The following ZBTB42 variants were observed in gnomAD, a reference collection of about 807,000 sequenced individuals.
The protein encoded by ZBTB42 is zinc finger and BTB domain-containing protein 42.
In ZBTB42, 3 loss-of-function variants were observed where a neutral mutation model predicts 4.7. That is an observed-to-expected ratio of 0.64 (90% CI 0.29 to 1.66). ZBTB42 has a LOEUF of 1.66. Ranked by LOEUF, ZBTB42 falls within the 40% of genes most tolerant of loss-of-function variation. ZBTB42 has a pLI of 0.10. For synonymous variants in ZBTB42, 255 were observed against 259.5 expected (o/e 0.98, Z 0.17); for missense variants, 521 against 577.1 (o/e 0.90, Z 1.00).
Position 104,802,493 on chromosome 14 carries a change from G to A in ZBTB42, c.*27G>A, listed in dbSNP as rs1366319095. The A allele has an allele frequency of 6.5e-7, 1 of 1,535,074 alleles. No homozygotes were observed. Among genetic ancestry groups the A allele is most frequent in the South Asian group, 1.2e-5 (1 of 81,526 alleles). On this transcript the variant is annotated 3_prime_UTR_variant, in exon 1 of 1. Coordinates refer to ENST00000342537, the MANE Select transcript of ZBTB42 (RefSeq NM_001137601.3). The surrounding 1 kb of genome is among the most constrained non-coding windows in gnomAD (Gnocchi z 5.9). ...GCATCCCTGTGGGTCCTGAGGGTGG[G>A]GTGGAAGGGAAGGGATGGGCCCTCC...
Position 104,801,863 on chromosome 14 carries a change from G to A in ZBTB42, c.666G>A (p.Leu222=), listed in dbSNP as rs529020079. 2.4e-4 allele frequency: 367 copies of A among 1,549,898 alleles called. No individual in the cohort carries two copies. The African/African-American group carries it at 4.6e-3, about 19-fold the overall frequency. ...CSQRQPGAQP[L]VKDERDSLSE... Reference sequence around the variant, plus strand: ...AGAGGCAGCCAGGGGCCCAGCCACTGGTGAAGGACGAACGGGACTCACTGT... The same window carrying A: ...AGAGGCAGCCAGGGGCCCAGCCACTAGTGAAGGACGAACGGGACTCACTGT... Residue 222 remains leucine, a synonymous_variant, in exon 1 of 1, where the codon CTG becomes CTA. Coordinates refer to ENST00000342537, the MANE Select transcript of ZBTB42 (RefSeq NM_001137601.3). The surrounding 1 kb of genome is among the most constrained non-coding windows in gnomAD (Gnocchi z 4.4).
rs1894091008 is a variant in ZBTB42, at chr14:104,803,082, G to GC, written c.*616_*617insC. ...CTGGTGTCTCGGGGTGGGGGGGGGG[G>GC]TGCAGCCCCAGCAGGGATCCTAAGG... On this transcript the variant is annotated 3_prime_UTR_variant, in exon 1 of 1. Transcript: ENST00000342537. 7.0e-6 allele frequency: 1 copy of GC among 141,984 alleles called. No homozygotes were observed. Among genetic ancestry groups the GC allele is most frequent in the Non-Finnish European group, 1.6e-5 (1 of 60,752 alleles). 8.8% of individuals were successfully genotyped at this position (141,984 alleles called of 1,614,324 possible).
At position 104,802,614 on chromosome 14, in the gene ZBTB42, C is replaced by T. The variant is rs1894074411; in HGVS notation, c.*148C>T. ...CCTCCTGGCAGAGAGAATGCTGCCT[C>T]TTCCTGGAACTTGGCCTCAGACTCG... On this transcript the variant is annotated 3_prime_UTR_variant, in exon 1 of 1. Transcript: ENST00000342537. The surrounding 1 kb of genome is among the most constrained non-coding windows in gnomAD (Gnocchi z 5.9). 8.3e-7 allele frequency: 1 copy of T among 1,203,860 alleles called. No individual in the cohort carries two copies. The highest frequency in any genetic ancestry group is 2.6e-5 in the East Asian group (1 of 38,784). The allele number at this position is 1,203,860 out of a possible 1,614,324, so 74.6% of individuals were successfully genotyped here.
upstream of ZBTB42, chr14:104,800,586 C>T (rs1248842518): frequency 1.4e-5 from 2 of 147,060 alleles, no homozygotes; most frequent in South Asian, 2.1e-4. The surrounding 1 kb of genome is among the most constrained non-coding windows in gnomAD (Gnocchi z 5.3). Flanking sequence ...GCGCCCTCGC[C>T]GTCCCCGCGC....
In ZBTB42 at chr14:104,801,528, G is replaced by A. The variant is rs1410235385; in HGVS notation, c.331G>A (p.Val111Ile). ...AASYLHMYDI[V>I]KVCKGRLQEK... is the part of the protein sequence containing the mutation. ...CAGCTACCTGCACATGTATGACATCGTCAAGGTCTGCAAGGGCAGGCTCCA... is the reference window on the plus strand; with the variant it reads ...CAGCTACCTGCACATGTATGACATCATCAAGGTCTGCAAGGGCAGGCTCCA... Residue 111 changes from valine (V) to isoleucine (I), a missense_variant, in exon 1 of 1, where the codon GTC becomes ATC. Coordinates refer to ENST00000342537, the MANE Select transcript of ZBTB42 (RefSeq NM_001137601.3). The surrounding 1 kb of genome is among the most constrained non-coding windows in gnomAD (Gnocchi z 4.4). The A allele has an allele frequency of 6.5e-7, 1 of 1,550,176 alleles. No homozygotes were observed. The highest frequency in any genetic ancestry group is 1.2e-5 in the South Asian group (1 of 84,064).
chr14:104,801,391 G>T lies in ZBTB42; in HGVS notation c.194G>T (p.Arg65Leu). 6.5e-7 allele frequency: 1 copy of T among 1,547,522 alleles called. No individual in the cohort carries two copies. The highest frequency in any genetic ancestry group is 8.7e-7 in the Non-Finnish European group (1 of 1,145,374). ...DRPAGSRDTV[R>L]LNGDIVTAPA... ...CCCGCGGGCAGTCGCGACACGGTGC[G>T]GCTCAACGGCGACATCGTCACGGCG... is the stretch of plus-strand genomic sequence containing the variant. The change falls in exon 1 of 1, where the codon CGG becomes CTG. Residue 65 changes from arginine (R) to leucine (L), a missense_variant. By Grantham distance (102) the Arg-to-Leu change is moderately radical. Coordinates refer to ENST00000342537, the MANE Select transcript of ZBTB42 (RefSeq NM_001137601.3). The surrounding 1 kb of genome is among the most constrained non-coding windows in gnomAD (Gnocchi z 4.4).
rs1595272651 is a variant in ZBTB42 at position 104,801,818 on chromosome 14, C to G, written c.621C>G (p.Leu207=). The G allele has an allele frequency of 6.5e-7, 1 of 1,550,164 alleles. No individual in the cohort carries two copies. Among genetic ancestry groups the G allele is most frequent in the Non-Finnish European group, 8.7e-7 (1 of 1,146,888 alleles). Residue 207 remains leucine (L), a synonymous_variant, in exon 1 of 1, where the codon CTC becomes CTG. Transcript: ENST00000342537. This position sits in a 1 kb window ranked among gnomAD's most constrained non-coding sequence, Gnocchi z 4.4. Reference sequence around the variant, plus strand: ...AGCGGGTCCACCCACCGTGCGTCCTCCAGACACCCCTCTGCAGCCAGAGGC... The same window carrying G: ...AGCGGGTCCACCCACCGTGCGTCCTGCAGACACCCCTCTGCAGCCAGAGGC... ...RQERVHPPCV[L]QTPLCSQRQP... is the part of the protein sequence containing the mutation.
Position 104,801,620 on chromosome 14 carries a change from C to G in ZBTB42, c.423C>G (p.Cys141Trp). The G allele has an allele frequency of 1.3e-6, 2 of 1,550,048 alleles. No individual in the cohort carries two copies. The highest frequency in any genetic ancestry group is 1.7e-6 in the Non-Finnish European group (2 of 1,146,772). ...GGGCAGAACCTGCTCAGCCACCGTG[C>G]CCCTGGCCTGTCTGGACCGCGGACC... ...APGAEPAQPP[C>W]PWPVWTADLC... The change falls in exon 1 of 1, where the codon TGC becomes TGG. Residue 141 changes from cysteine to tryptophan, a missense_variant. Coordinates refer to ENST00000342537, the MANE Select transcript of ZBTB42 (RefSeq NM_001137601.3). This position sits in a 1 kb window ranked among gnomAD's most constrained non-coding sequence, Gnocchi z 4.4.
chr14:104,800,969 TGCGCCTGAGTCCCGGGACCCGCCCCC>T (rs974887576), upstream of ZBTB42: 4 of 440,142 alleles, frequency 9.1e-6, no homozygotes, highest in Non-Finnish European at 1.5e-5. The surrounding 1 kb of genome is among the most constrained non-coding windows in gnomAD (Gnocchi z 5.3). Flanking sequence ...CTCCGGCTCC[TGCGCCTGAGTCCCGGGACCCGCCCCC>T]GCGGCGGAGC....
rs928498921 is a variant in ZBTB42, at chr14:104,802,587, AC to A, written c.*124del. ...GTCCCTGCTTGGGCCAGATGGCTCC[AC>A]CCTCCTGGCAGAGAGAATGCTGCCT... On this transcript the variant is annotated 3_prime_UTR_variant, in exon 1 of 1. Coordinates refer to ENST00000342537, the MANE Select transcript of ZBTB42 (RefSeq NM_001137601.3). This position sits in a 1 kb window ranked among gnomAD's most constrained non-coding sequence, Gnocchi z 5.9. The A allele has an allele frequency of 1.0e-5, 14 of 1,386,088 alleles. No homozygotes were observed. The highest frequency in any genetic ancestry group is 2.7e-5 in the Admixed American group (1 of 36,662). The allele number at this position is 1,386,088 out of a possible 1,614,324, so 85.9% of individuals were successfully genotyped here. A position where few individuals can be genotyped will look rare whatever the true frequency, so the allele number is the denominator to read the frequency against.
In ZBTB42 at chr14:104,802,315, A is replaced by G; in HGVS notation, c.1118A>G (p.Tyr373Cys). Residue 373 changes from tyrosine to cysteine, a missense_variant, in exon 1 of 1, where the codon TAC (tyrosine) becomes TGC (cysteine). By Grantham distance (194) the Tyr-to-Cys change is radical. Coordinates refer to ENST00000342537, the MANE Select transcript of ZBTB42 (RefSeq NM_001137601.3). The surrounding 1 kb of genome is among the most constrained non-coding windows in gnomAD (Gnocchi z 5.9). ...GTGCAGTGTGGCAAAAGTTTTCAGT[A>G]CTCCCACAACCTGAGCCGGCACACC... is the stretch of plus-strand genomic sequence containing the variant. The part of the protein sequence containing the change: ...TCVQCGKSFQ[Y>C]SHNLSRHTVV... The G allele has an allele frequency of 6.5e-7, 1 of 1,550,186 alleles. No individual in the cohort carries two copies. The highest frequency in any genetic ancestry group is 1.2e-5 in the South Asian group (1 of 84,038).
chr14:104,803,071 T>TA lies in ZBTB42; in HGVS notation c.*605_*606insA, dbSNP rs1555386337. 21 of 77,308 alleles carry TA rather than the reference T, an allele frequency of 2.7e-4. No individual in the cohort carries two copies. Among genetic ancestry groups the TA allele is most frequent in the Non-Finnish European group, 5.1e-4 (20 of 39,350 alleles). The allele number at this position is 77,308 out of a possible 1,614,324, so 4.8% of individuals were successfully genotyped here. A position where few individuals can be genotyped will look rare whatever the true frequency, so the allele number is the denominator to read the frequency against. ...TCTGGGCACAGCTGGTGTCTCGGGG[T>TA]GGGGGGGGGGGTGCAGCCCCAGCAG... is the stretch of plus-strand genomic sequence containing the variant. On this transcript the variant is annotated 3_prime_UTR_variant, in exon 1 of 1. Coordinates refer to ENST00000342537, the MANE Select transcript of ZBTB42 (RefSeq NM_001137601.3).
In ZBTB42 at chr14:104,803,687, CAT is replaced by C. The variant is rs771755344; in HGVS notation, c.*1222_*1223del. 7 of 166,910 alleles carry C rather than the reference CAT, an allele frequency of 4.2e-5. No individual in the cohort carries two copies. Among genetic ancestry groups the C allele is most frequent in the East Asian group, 3.8e-4 (2 of 5,198 alleles). The allele number at this position is 166,910 out of a possible 1,614,324, so 10.3% of individuals were successfully genotyped here. ...GAATGTGGAGACCACAACCCCCACA[CAT>C]GTCGTTGGTTCAGGTCGCCCTGCTT... On this transcript the variant is annotated 3_prime_UTR_variant, in exon 1 of 1. Transcript: ENST00000342537.
At chr14:104,800,927 G>T (rs151283963), upstream of ZBTB42, 2,142 of 326,412 alleles carry the variant, frequency 6.6e-3, 39 homozygotes, top group African/African-American at 0.041. The surrounding 1 kb of genome is among the most constrained non-coding windows in gnomAD (Gnocchi z 5.3). Context: ...GTTCAGGAGC[G>T]CCCGGGCGGG....
chr14:104,801,172 T>G lies in ZBTB42; in HGVS notation c.-26T>G, dbSNP rs1234413123. The G allele has an allele frequency of 7.2e-6, 10 of 1,390,204 alleles. No homozygotes were observed. The highest frequency in any genetic ancestry group is 9.3e-6 in the Non-Finnish European group (10 of 1,077,580). The allele number at this position is 1,390,204 out of a possible 1,614,324, so 86.1% of individuals were successfully genotyped here. On this transcript the variant is annotated 5_prime_UTR_variant, in exon 1 of 1. Transcript: ENST00000342537. This position sits in a 1 kb window ranked among gnomAD's most constrained non-coding sequence, Gnocchi z 4.4. Reference sequence around the variant, plus strand: ...CAGGCGCGCTGACGGGCGTCCCGTTTGTGCCCAGGTGATGACGGCGGCGGC... The same window carrying G: ...CAGGCGCGCTGACGGGCGTCCCGTTGGTGCCCAGGTGATGACGGCGGCGGC...
At chr14:104,800,828 C>T, upstream of ZBTB42, 1 of 150,088 alleles carries the variant, frequency 6.7e-6, no homozygotes, top group Non-Finnish European at 1.5e-5. This position sits in a 1 kb window ranked among gnomAD's most constrained non-coding sequence, Gnocchi z 5.3. Context: ...CGGGCGGCAG[C>T]TGGAGGCGGC....
chr14:104,801,091 C>G (rs889371355), upstream of ZBTB42: 23 of 1,355,258 alleles, frequency 1.7e-5, no homozygotes, highest in Middle Eastern at 7.8e-4. The surrounding 1 kb of genome is among the most constrained non-coding windows in gnomAD (Gnocchi z 4.4). Context: ...CGCGTCACTC[C>G]CGCGCCGCTC....
Position 104,802,769 on chromosome 14 carries a change from C to A in ZBTB42, c.*303C>A. On this transcript the variant is annotated 3_prime_UTR_variant, in exon 1 of 1. Transcript: ENST00000342537. The surrounding 1 kb of genome is among the most constrained non-coding windows in gnomAD (Gnocchi z 5.9). ...CTCTCCCGTCCCCTCCAGCCAAGTT[C>A]TGAGGGGTGTCCAACCAGCACCTGG... The A allele has an allele frequency of 2.1e-6, 1 of 465,326 alleles. No individual in the cohort carries two copies. The highest frequency in any genetic ancestry group is 4.0e-6 in the Non-Finnish European group (1 of 250,782). The allele number at this position is 465,326 out of a possible 1,614,324, so 28.8% of individuals were successfully genotyped here. A position where few individuals can be genotyped will look rare whatever the true frequency, so the allele number is the denominator to read the frequency against.
Position 104,801,674 on chromosome 14 carries a change from C to T in ZBTB42, c.477C>T (p.Leu159=), listed in dbSNP as rs1284230771. ...GCCCAGCTGCCCGAAAGGCCAAGCT[C>T]CCCCCGTTTGGGGTCAAGGCTGCCC... ...DLCPAARKAK[L]PPFGVKAALP... The change falls in exon 1 of 1, where the codon CTC becomes CTT. Residue 159 remains leucine, a synonymous_variant. Coordinates refer to ENST00000342537, the MANE Select transcript of ZBTB42 (RefSeq NM_001137601.3). This position sits in a 1 kb window ranked among gnomAD's most constrained non-coding sequence, Gnocchi z 4.4. The T allele has an allele frequency of 1.3e-6, 2 of 1,550,132 alleles. No individual in the cohort carries two copies. Among genetic ancestry groups the T allele is most frequent in the African/African-American group, 1.4e-5 (1 of 73,066 alleles).
Sources: allele counts gnomAD v4.1 joint callset, GRCh38; gene constraint gnomAD v4.1.1; non-coding constraint Gnocchi (gnomAD v3.1); transcripts MANE v1.5; gene names NCBI Gene and HGNC (gene_info 2026-07-23, HGNC 2026-07-21).